RASSF8: variants seen among roughly 807,000 people sequenced by gnomAD.
RASSF8 encodes ras association domain-containing protein 8.
A neutral mutation model predicts 48.5 loss-of-function variants in RASSF8; 22 were observed. That is an observed-to-expected ratio of 0.45 (90% CI 0.32 to 0.65). RASSF8 has a LOEUF of 0.65. Among genes scored for constraint, RASSF8 ranks in the 30% least tolerant of loss-of-function variants. RASSF8 has a pLI of 0.03. For synonymous variants in RASSF8, 127 were observed against 171.5 expected (o/e 0.74, Z 2.03); for missense variants, 418 against 489.2 (o/e 0.85, Z 1.37).
chr12:25,976,597 G>A (rs575684207), intron 1 of RASSF8, among the ~76,000 whole-genome samples: 9 of 152,304 alleles, frequency 5.9e-5, no homozygotes, highest in Admixed American at 1.3e-4. Context: ...GTGGGTATTT[G>A]GACCCAAGAA....
At chr12:26,076,259 C>A (rs1448893305), downstream of RASSF8, among the ~76,000 whole-genome samples, 1 of 144,254 alleles carries the variant, frequency 6.9e-6, no homozygotes, top group East Asian at 2.0e-4. Flanking sequence ...TCACAAAAAT[C>A]TTTTTTTTTT....
intron 1 of RASSF8, among the ~76,000 whole-genome samples, chr12:25,982,448 T>C (rs1941767073): frequency 6.6e-6 from 1 of 152,190 alleles, no homozygotes; most frequent in South Asian, 2.1e-4. Flanking sequence ...TCTGATGGCA[T>C]GTGAGACTAG....
At chr12:26,012,631 C>T (rs1942553869) in intron 2 of RASSF8, among the ~76,000 whole-genome samples, 1 of 151,182 alleles carries the variant, frequency 6.6e-6, no homozygotes, top group South Asian at 2.1e-4. Context: ...TGATTAGTAT[C>T]CAGATTTGTT....
At chr12:25,962,182 A>G (rs1349931451) in intron 1 of RASSF8, among the ~76,000 whole-genome samples, 1 of 150,724 alleles carries the variant, frequency 6.6e-6, no homozygotes, top group African/African-American at 2.5e-5. Context: ...TTTGATCTCT[A>G]CATCCACTTG....
chr12:26,073,687 C>T (rs1049903782), downstream of RASSF8, among the ~76,000 whole-genome samples: 6 of 151,164 alleles, frequency 4.0e-5, no homozygotes, highest in African/African-American at 1.2e-4. Context: ...TGGAGTGAGC[C>T]GAGATCGCAC....
chr12:25,999,690 A>C (rs1942211323), intron 2 of RASSF8, among the ~76,000 whole-genome samples: 1 of 152,234 alleles, frequency 6.6e-6, no homozygotes, highest in Non-Finnish European at 1.5e-5. Context: ...ATTGAAAAGG[A>C]GACTAAAAAT....
Position 26,024,064 on chromosome 12 carries a change from T to C in RASSF8, c.-109+28934T>C, listed in dbSNP as rs910726758. Among the ~76,000 whole-genome samples, 26 of 152,372 alleles carry C rather than the reference T, an allele frequency of 1.7e-4. No individual in the cohort carries two copies. In the South Asian group the frequency reaches 3.1e-3, roughly 18 times the overall value. ...AAGTGTAATGGCTTATTTTGGGGTT[T>C]GTAAGGTACATAGATATTGTCTTAC... On this transcript the variant is annotated intron_variant, in intron 2 of 5. Coordinates refer to ENST00000689635, the MANE Select transcript of RASSF8 (RefSeq NM_001394098.1).
chr12:26,051,256 G>A (rs548966412), intron 2 of RASSF8, among the ~76,000 whole-genome samples: 1 of 152,260 alleles, frequency 6.6e-6, no homozygotes, highest in African/African-American at 2.4e-5. Flanking sequence ...AAGTACTTGT[G>A]CCATTTATTT....
intron 2 of RASSF8, among the ~76,000 whole-genome samples, chr12:26,043,810 A>G (rs927169721): frequency 2.0e-5 from 3 of 152,242 alleles, no homozygotes; most frequent in African/African-American, 7.2e-5. Flanking sequence ...TGTAACGCCA[A>G]AGAAACCAGA....
intron 2 of RASSF8, among the ~76,000 whole-genome samples, chr12:26,014,075 C>G (rs1003898118): frequency 1.3e-5 from 2 of 152,206 alleles, no homozygotes; most frequent in South Asian, 2.1e-4. Flanking sequence ...TGTGCCCTGC[C>G]TGAGCTGCCA....
chr12:25,969,203 A>G (rs1941428226), intron 1 of RASSF8, among the ~76,000 whole-genome samples: 1 of 152,192 alleles, frequency 6.6e-6, no homozygotes. Flanking sequence ...GAATAGAGGA[A>G]TGAATAAACT....
chr12:26,014,187 G>A (rs964536808), intron 2 of RASSF8, among the ~76,000 whole-genome samples: 2 of 152,214 alleles, frequency 1.3e-5, no homozygotes, highest in African/African-American at 4.8e-5. Flanking sequence ...TTCAGCAAAT[G>A]TGTTTTAACT....
At chr12:26,035,268 A>G (rs887164342) in intron 2 of RASSF8, among the ~76,000 whole-genome samples, 1 of 151,814 alleles carries the variant, frequency 6.6e-6, no homozygotes. Flanking sequence ...TCGGCTAGAA[A>G]CAGAAGAACT....
At chr12:25,972,939 C>T (rs1054863325) in intron 1 of RASSF8, among the ~76,000 whole-genome samples, 6 of 152,154 alleles carry the variant, frequency 3.9e-5, no homozygotes, top group African/African-American at 1.4e-4. Flanking sequence ...TAAATGAAAT[C>T]ATACAACATG....
chr12:26,030,436 G>A (rs1030573094), intron 2 of RASSF8, among the ~76,000 whole-genome samples: 11 of 152,144 alleles, frequency 7.2e-5, no homozygotes, highest in Admixed American at 2.6e-4. Context: ...GGCTCTGTAG[G>A]ATGACTTTTT....
At chr12:25,998,594 A>G (rs1309404909) in intron 2 of RASSF8, among the ~76,000 whole-genome samples, 4 of 151,982 alleles carry the variant, frequency 2.6e-5, no homozygotes, top group Non-Finnish European at 5.9e-5. Flanking sequence ...TGTTCCGCCC[A>G]CCTCAGCCTC....
intron 2 of RASSF8, among the ~76,000 whole-genome samples, chr12:26,019,638 TAAAAG>T (rs1367889805): frequency 4.0e-5 from 6 of 151,860 alleles, no homozygotes; most frequent in Non-Finnish European, 5.9e-5. Context: ...TAAATTGACT[TAAAAG>T]AAATCTTGAA....
intron 2 of RASSF8, among the ~76,000 whole-genome samples, chr12:26,019,563 C>CTGTGTGTGTGTGTGTGTGTG (rs56895234): frequency 6.7e-6 from 1 of 148,200 alleles, no homozygotes; most frequent in African/African-American, 2.5e-5. Flanking sequence ...CGGGCATACA[C>CTGTGTGTGTGTGTGTGTGTG]TGTGTGTGTG....
At chr12:26,056,986 T>C (rs1943617259) in intron 3 of RASSF8, among the ~76,000 whole-genome samples, 2 of 152,058 alleles carry the variant, frequency 1.3e-5, no homozygotes, top group Non-Finnish European at 2.9e-5. Flanking sequence ...CTTTCCTTGT[T>C]ATATTTGGGA....
Sources: gnomAD v4.1 joint callset for allele counts (sites outside exome capture counted in the v4.1 genomes callset) on GRCh38, gnomAD v4.1.1 for gene constraint, MANE v1.5 for transcripts, NCBI Gene and HGNC (gene_info 2026-07-23, HGNC 2026-07-21) for gene names.